PLXDC1: variants seen among roughly 807,000 people sequenced by gnomAD.
PLXDC1 encodes plexin domain containing 1.
Under a neutral mutation model 61.3 loss-of-function variants are expected in PLXDC1, and 39 were observed. The observed-to-expected ratio is 0.64, with a 90% CI of 0.49 to 0.83. PLXDC1 has a LOEUF of 0.83. Among genes scored for constraint, PLXDC1 ranks in the 40% least tolerant of loss-of-function variants. The pLI is 0.00. For missense variants in PLXDC1, 596 were observed against 666.5 expected (o/e 0.89, Z 1.17); for synonymous variants, 212 against 254.5 (o/e 0.83, Z 1.59).
In PLXDC1 at chr17:39,143,969, G is replaced by A. The variant is rs114568468; in HGVS notation, c.77-4137C>T. Among the ~76,000 whole-genome samples the A allele has an allele frequency of 8.2e-3, 1,253 of 152,312 alleles. 16 individuals are homozygous for A. The highest frequency in any genetic ancestry group is 0.028 in the African/African-American group (1,178 of 41,560). ...TCTGCCCAGCTCCCCAGGTCTTCCT[G>A]CAAGCAGCCCTGGGGCCTGGGCAGG... On this transcript the variant is annotated intron_variant, in intron 1 of 13. Transcript: ENST00000315392.
At chr17:39,140,444 T>C (rs780044802) in intron 1 of PLXDC1, among the ~76,000 whole-genome samples, 102 of 152,384 alleles carry the variant, frequency 6.7e-4, no homozygotes, top group Non-Finnish European at 1.2e-3. Context: ...TAGCTGGGAC[T>C]ACAGGCGCCC....
At position 39,065,417 on chromosome 17, in the gene PLXDC1, G is replaced by A. The variant is rs1908857700; in HGVS notation, c.*2423C>T. On this transcript the variant is annotated 3_prime_UTR_variant, in exon 14 of 14. Transcript: ENST00000315392. ...GTTCTTTTTTTTTTTTTTTTTTTCG[G>A]AGACAGGGTCTCACTCTGTCACCCA... 1 of 134,656 alleles carries A rather than the reference G, an allele frequency of 7.4e-6. No homozygotes were observed. The highest frequency in any genetic ancestry group is 1.6e-5 in the Non-Finnish European group (1 of 64,500). 8.3% of individuals were successfully genotyped at this position (134,656 alleles called of 1,614,324 possible).
intron 1 of PLXDC1, among the ~76,000 whole-genome samples, chr17:39,146,948 A>ATTTTTTTT (rs869300584): frequency 1.3e-5 from 1 of 74,686 alleles, no homozygotes; most frequent in African/African-American, 5.2e-5. Flanking sequence ...ACAGGAAATG[A>ATTTTTTTT]TTTTTTTTTT....
At position 39,148,584 on chromosome 17, in the gene PLXDC1, C is replaced by T. The variant is rs76879265; in HGVS notation, c.76+2778G>A. Among the ~76,000 whole-genome samples the T allele has an allele frequency of 6.7e-3, 1,019 of 151,672 alleles. 12 individuals carry two copies. The highest frequency in any genetic ancestry group is 0.023 in the African/African-American group (956 of 41,344). On this transcript the variant is annotated intron_variant, in intron 1 of 13. Coordinates refer to ENST00000315392, the MANE Select transcript of PLXDC1 (RefSeq NM_020405.5). The stretch of plus-strand genomic sequence containing the variant: ...ATACTAATATTAATAATATTAATAA[C>T]AATACTAAATATACTAATTTTTGTA...
At chr17:39,103,800 C>T (rs1285579778) in intron 7 of PLXDC1, among the ~76,000 whole-genome samples, 10 of 145,838 alleles carry the variant, frequency 6.9e-5, no homozygotes, top group African/African-American at 2.3e-4. Flanking sequence ...GAGCCAAGAT[C>T]GTGCCACTGC....
intron 7 of PLXDC1, among the ~76,000 whole-genome samples, chr17:39,093,719 AT>A (rs1279338377): frequency 6.3e-4 from 10 of 15,966 alleles, no homozygotes; most frequent in African/African-American, 2.1e-3. Context: ...CCGTCTTAAA[AT>A]ATATATATAT....
chr17:39,144,081 AC>A lies in PLXDC1; in HGVS notation c.77-4250del, dbSNP rs1354093091. The stretch of plus-strand genomic sequence containing the variant: ...TGTTGGGGATCTTCAGGATTCACAA[AC>A]CTGGAGCCGAGACAGGAGGCGGGAT... On this transcript the variant is annotated intron_variant, in intron 1 of 13. Coordinates refer to ENST00000315392, the MANE Select transcript of PLXDC1 (RefSeq NM_020405.5). 5.9e-5 allele frequency among the ~76,000 whole-genome samples: 9 copies of A among 152,054 alleles called. 1 individual carries two copies. The highest frequency in any genetic ancestry group is 1.4e-4 in the African/African-American group (6 of 41,406).
intron 12 of PLXDC1, chr17:39,070,548 T>G (rs1909076378): frequency 6.6e-6 from 1 of 152,618 alleles, no homozygotes; most frequent in Non-Finnish European, 1.5e-5. Flanking sequence ...TCTCCCATTT[T>G]GGATGACTTC....
chr17:39,131,243 A>G (rs903703576), intron 2 of PLXDC1, among the ~76,000 whole-genome samples: 1 of 152,152 alleles, frequency 6.6e-6, no homozygotes, highest in Non-Finnish European at 1.5e-5. Flanking sequence ...CAGGACCAAG[A>G]TCGAGGGCCA....
At chr17:39,108,003 G>A in intron 5 of PLXDC1, 120 bp downstream of exon 5, 1 of 1,254,284 alleles carries the variant, frequency 8.0e-7, no homozygotes, top group East Asian at 2.3e-5. Context: ...GAGAAAGGTA[G>A]GTGGCTGCTT....
At chr17:39,152,631 C>T (rs1298228814), upstream of PLXDC1, 3 of 1,245,584 alleles carry the variant, frequency 2.4e-6, no homozygotes, top group East Asian at 3.1e-5. Flanking sequence ...GGGCTGGGGC[C>T]TAGGGACTAG....
chr17:39,080,453 G>A (rs540473267), intron 9 of PLXDC1: 3 of 152,274 alleles, frequency 2.0e-5, no homozygotes, highest in African/African-American at 4.8e-5. Flanking sequence ...CGTGAGAGAC[G>A]AAATTGTTTA....
rs987573420 is a variant in PLXDC1 at position 39,135,314 on chromosome 17, T to G, written c.255+4340A>C. On this transcript the variant is annotated intron_variant, in intron 2 of 13. Coordinates refer to ENST00000315392, the MANE Select transcript of PLXDC1 (RefSeq NM_020405.5). ...AGAGGGGATCACAAAGCCCCTGAGATGGTGGAAGCCTCATGTTCTGACAAT... is the reference window on the plus strand; with the variant it reads ...AGAGGGGATCACAAAGCCCCTGAGAGGGTGGAAGCCTCATGTTCTGACAAT... Among the ~76,000 whole-genome samples, 5 of 152,324 alleles carry G rather than the reference T, an allele frequency of 3.3e-5. No homozygotes were observed. The East Asian group carries it at 9.7e-4, about 29-fold the overall frequency.
intron 1 of PLXDC1, among the ~76,000 whole-genome samples, chr17:39,145,798 C>T (rs919959196): frequency 1.3e-5 from 2 of 152,138 alleles, no homozygotes; most frequent in African/African-American, 2.4e-5. Context: ...CTGAATCTAC[C>T]ACCTACTAAC....
chr17:39,140,673 A>G (rs1911909295), intron 1 of PLXDC1, among the ~76,000 whole-genome samples: 1 of 152,220 alleles, frequency 6.6e-6, no homozygotes. Flanking sequence ...GGCAAGGGTG[A>G]GAACCATTGC....
At chr17:39,068,942 G>C (rs950427531) in intron 13 of PLXDC1, among the ~76,000 whole-genome samples, 1 of 152,188 alleles carries the variant, frequency 6.6e-6, no homozygotes, top group African/African-American at 2.4e-5. Flanking sequence ...TGGAGGACTG[G>C]GGGCAGGAGC....
At chr17:39,089,693 C>T (rs1419935532) in intron 7 of PLXDC1, among the ~76,000 whole-genome samples, 1 of 152,156 alleles carries the variant, frequency 6.6e-6, no homozygotes. Context: ...TAGGGGCATC[C>T]ACAAAGGGGT....
chr17:39,077,777 C>T (rs1055924342), intron 11 of PLXDC1, 136 bp downstream of exon 11: 2 of 760,024 alleles, frequency 2.6e-6, no homozygotes, highest in Non-Finnish European at 4.3e-6. Flanking sequence ...ACTTCAGGCC[C>T]CCTTAGCTAT....
At chr17:39,144,002 A>G (rs888797186) in intron 1 of PLXDC1, among the ~76,000 whole-genome samples, 5 of 152,192 alleles carry the variant, frequency 3.3e-5, no homozygotes, top group African/African-American at 1.2e-4. Context: ...AGGAGCCAGA[A>G]CAGGATAGAG....
Sources: gnomAD v4.1 joint callset for allele counts (sites outside exome capture counted in the v4.1 genomes callset) on GRCh38, gnomAD v4.1.1 for gene constraint, MANE v1.5 for transcripts, NCBI Gene and HGNC (gene_info 2026-07-23, HGNC 2026-07-21) for gene names.